Variants in MYH9 observed in about 807,000 individuals in gnomAD.
The protein encoded by MYH9 is myosin-9.
Under a neutral mutation model 241.9 loss-of-function variants are expected in MYH9, and 29 were observed. That is an observed-to-expected ratio of 0.12 (90% confidence interval 0.09 to 0.16). MYH9 has a LOEUF of 0.16. MYH9 is among the 10% of genes least tolerant of loss of function. The pLI is 1.00. For missense variants in MYH9, 1,803 were observed against 2,595.5 expected (o/e 0.69, Z 6.63); for synonymous variants, 1,047 against 1,062.6 (o/e 0.99, Z 0.29).
intron 1 of MYH9, among the ~76,000 whole-genome samples, chr22:36,381,909 T>C (rs2018262291): frequency 6.6e-6 from 1 of 152,238 alleles, no homozygotes; most frequent in South Asian, 2.1e-4. Context: ...TCTGAGTTTA[T>C]CTGTGAGATG....
At chr22:36,378,111 CAA>C (rs553188580) in intron 1 of MYH9, among the ~76,000 whole-genome samples, 7 of 111,796 alleles carry the variant, frequency 6.3e-5, no homozygotes, top group Non-Finnish European at 3.9e-5. Context: ...CCTGTCTCTA[CAA>C]AAAAAAAAAA....
chr22:36,288,521 C>G lies in MYH9; in HGVS notation c.4771-108G>C. 6.8e-7 allele frequency: 1 copy of G among 1,474,608 alleles called. No individual in the cohort carries two copies. Among genetic ancestry groups the G allele is most frequent in the Non-Finnish European group, 9.3e-7 (1 of 1,069,938 alleles). The allele number at this position is 1,474,608 out of a possible 1,614,324, so 91.3% of individuals were successfully genotyped here. ...CAGTTCTGCAGGATCCATGGGGCCT[C>G]GGGAAACCAGTGGGGATTACTGACC... is the stretch of plus-strand genomic sequence containing the variant. On this transcript the variant is annotated intron_variant, in intron 33 of 40. Transcript: ENST00000216181. This position sits in a 1 kb window ranked among gnomAD's most constrained non-coding sequence, Gnocchi z 4.8.
chr22:36,286,528 A>T (rs1244077177), intron 35 of MYH9, among the ~76,000 whole-genome samples, 190 bp downstream of exon 35: 4 of 151,822 alleles, frequency 2.6e-5, no homozygotes, highest in Non-Finnish European at 5.9e-5. Flanking sequence ...ACACACACAC[A>T]CTCTGATCAT....
chr22:36,362,972 C>T (rs118064968), intron 1 of MYH9, among the ~76,000 whole-genome samples: 1 of 152,106 alleles, frequency 6.6e-6, no homozygotes, highest in African/African-American at 2.4e-5. Flanking sequence ...AGCCACACCT[C>T]TCTTATCCCC....
chr22:36,374,005 C>T (rs1389384051), intron 1 of MYH9, among the ~76,000 whole-genome samples: 2 of 151,804 alleles, frequency 1.3e-5, no homozygotes, highest in African/African-American at 2.4e-5. Context: ...GGCAAATCTG[C>T]TTCTTGCCAG....
intron 34 of MYH9, 132 bp from the exon 35 acceptor site, chr22:36,286,978 G>A: frequency 7.4e-7 from 1 of 1,357,992 alleles, no homozygotes; most frequent in South Asian, 1.2e-5. Flanking sequence ...ACTAACCGTG[G>A]TGACAGGGCA....
intron 40 of MYH9, among the ~76,000 whole-genome samples, chr22:36,283,525 G>A (rs180727473): frequency 2.7e-4 from 36 of 131,858 alleles, no homozygotes; most frequent in Non-Finnish European, 4.7e-4. Flanking sequence ...CAACAAGAGC[G>A]AAACTCCGTC....
intron 1 of MYH9, among the ~76,000 whole-genome samples, chr22:36,372,164 C>T (rs1472986124): frequency 6.6e-6 from 1 of 152,070 alleles, no homozygotes; most frequent in African/African-American, 2.4e-5. Flanking sequence ...CTCCTTCCTC[C>T]AATATAACAG....
rs527688516 is a variant in MYH9 at position 36,364,034 on chromosome 22, T to C, written c.-19-14779A>G. Among the ~76,000 whole-genome samples the C allele has an allele frequency of 4.6e-5, 7 of 152,352 alleles. No homozygotes were observed. The East Asian group carries it at 1.3e-3, about 29-fold the overall frequency. ...GAAAAATAACCATACTCAGAAGATGTAATTATACGGCCACCGTCTCAGTGG... is the reference window on the plus strand; with the variant it reads ...GAAAAATAACCATACTCAGAAGATGCAATTATACGGCCACCGTCTCAGTGG... On this transcript the variant is annotated intron_variant, in intron 1 of 40. Transcript: ENST00000216181.
In MYH9 at chr22:36,368,022, C is replaced by G. The variant is rs192106042; in HGVS notation, c.-19-18767G>C. 4.4e-3 allele frequency among the ~76,000 whole-genome samples: 675 copies of G among 152,240 alleles called. 2 individuals carry two copies. Among genetic ancestry groups the G allele is most frequent in the Non-Finnish European group, 7.6e-3 (516 of 68,026 alleles). On this transcript the variant is annotated intron_variant, in intron 1 of 40. Coordinates refer to ENST00000216181, the MANE Select transcript of MYH9 (RefSeq NM_002473.6). ...ATATACAAACACACACACACACATGCCTGCATACAGACACCCCAGAGGATG... is the reference window on the plus strand; with the variant it reads ...ATATACAAACACACACACACACATGGCTGCATACAGACACCCCAGAGGATG...
rs150539764 is a variant in MYH9 at position 36,309,270 on chromosome 22, C to G, written c.1843+12G>C. On this transcript the variant is annotated intron_variant, in intron 15 of 40. Transcript: ENST00000216181. ...CCAAGAGGAGGCAGGGGGCGAAGGG[C>G]AAAGGGCGTACCATCCTTCCACAGC... 1.9e-5 allele frequency: 30 copies of G among 1,611,210 alleles called. No homozygotes were observed. Among genetic ancestry groups the G allele is most frequent in the Middle Eastern group, 3.3e-4 (2 of 6,060 alleles).
At chr22:36,323,836 G>T (rs1195878145) in intron 5 of MYH9, among the ~76,000 whole-genome samples, 1 of 152,212 alleles carries the variant, frequency 6.6e-6, no homozygotes, top group Non-Finnish European at 1.5e-5. Context: ...GCCCCTGAAG[G>T]AGGGTCAGCA....
intron 1 of MYH9, among the ~76,000 whole-genome samples, chr22:36,371,736 T>C (rs111260557): frequency 0.033 from 5,028 of 152,166 alleles, 128 homozygotes; most frequent in Non-Finnish European, 0.048. Flanking sequence ...GGTTTCACCA[T>C]GTTGGCCTGG....
intron 3 of MYH9, among the ~76,000 whole-genome samples, chr22:36,327,779 G>C (rs543593160): frequency 6.6e-6 from 1 of 152,342 alleles, no homozygotes; most frequent in South Asian, 2.1e-4. Context: ...GAACTAGTGT[G>C]TGGAAAACTC....
intron 1 of MYH9, among the ~76,000 whole-genome samples, chr22:36,351,241 T>C (rs983030852): frequency 3.3e-5 from 5 of 152,170 alleles, no homozygotes; most frequent in African/African-American, 1.2e-4. Flanking sequence ...GAACAGAGCT[T>C]GGCAGCATCA....
At chr22:36,383,637 T>G (rs1349802011) in intron 1 of MYH9, among the ~76,000 whole-genome samples, 1 of 147,024 alleles carries the variant, frequency 6.8e-6, no homozygotes, top group Admixed American at 7.0e-5. Context: ...CCTAGGGAGT[T>G]AAGACTGATC....
chr22:36,347,095 G>T (rs1256887443), intron 2 of MYH9, among the ~76,000 whole-genome samples: 1 of 152,158 alleles, frequency 6.6e-6, no homozygotes, highest in Non-Finnish European at 1.5e-5. Flanking sequence ...GTTGAACAGA[G>T]GAATTTGGGG....
In MYH9 at chr22:36,320,916, C is replaced by A. The variant is rs763117870; in HGVS notation, c.770-20G>T. ...AAAGATCTTTGCAAATATTAAGGAGCAACACAAGCTGGGGAGAAGGCAAGC... is the reference window on the plus strand; with the variant it reads ...AAAGATCTTTGCAAATATTAAGGAGAAACACAAGCTGGGGAGAAGGCAAGC... On this transcript the variant is annotated intron_variant, in intron 7 of 40. Coordinates refer to ENST00000216181, the MANE Select transcript of MYH9 (RefSeq NM_002473.6). This position sits in a 1 kb window ranked among gnomAD's most constrained non-coding sequence, Gnocchi z 4.8. 4.1e-5 allele frequency: 65 copies of A among 1,602,060 alleles called. No individual in the cohort carries two copies. The South Asian group carries it at 6.8e-4, about 17-fold the overall frequency.
In MYH9 at chr22:36,321,947, A is replaced by G. The variant is rs928474224; in HGVS notation, c.706-126T>C. Reference sequence around the variant, plus strand: ...CAGCTTGGAGGGAGAAAACCCAGAGACGGGACCCATGTACCAGGCCAGGGG... The same window carrying G: ...CAGCTTGGAGGGAGAAAACCCAGAGGCGGGACCCATGTACCAGGCCAGGGG... On this transcript the variant is annotated intron_variant, in intron 6 of 40. Transcript: ENST00000216181. 82 of 876,566 alleles carry G rather than the reference A, an allele frequency of 9.4e-5. 1 individual carries two copies. In the East Asian group the frequency reaches 2.1e-3, roughly 22 times the overall value. 54.3% of individuals were successfully genotyped at this position (876,566 alleles called of 1,614,324 possible). A position where few individuals can be genotyped will look rare whatever the true frequency, so the allele number is the denominator to read the frequency against.
Sources: allele counts gnomAD v4.1 joint callset (sites outside exome capture counted in the v4.1 genomes callset), GRCh38; gene constraint gnomAD v4.1.1; non-coding constraint Gnocchi (gnomAD v3.1); transcripts MANE v1.5; gene names NCBI Gene and HGNC (gene_info 2026-07-23, HGNC 2026-07-21).